Variants in THSD7B observed in about 807,000 individuals in gnomAD.
THSD7B encodes thrombospondin type 1 domain containing 7B.
Under a neutral mutation model 213.6 loss-of-function variants are expected in THSD7B, and 138 were observed. The observed-to-expected ratio is 0.65, with a 90% CI of 0.56 to 0.74. The LOEUF is 0.74. THSD7B is among the 30% of genes least tolerant of loss of function. The pLI, the probability that THSD7B is intolerant of heterozygous loss-of-function variation, is 0.00. For missense variants in THSD7B, 1,931 were observed against 1,991.5 expected (o/e 0.97, Z 0.58); for synonymous variants, 742 against 687.0 (o/e 1.08, Z -1.25).
chr2:137,659,594 A>G, intron 24 of THSD7B, 70 bp from the exon 25 acceptor site: 1 of 1,464,038 alleles, frequency 6.8e-7, no homozygotes, highest in Non-Finnish European at 9.2e-7. Context: ...CACAGGTTAA[A>G]AAAAAATACC....
intron 3 of THSD7B, among the ~76,000 whole-genome samples, chr2:137,062,924 A>G (rs1309895954): frequency 6.6e-6 from 1 of 151,890 alleles, no homozygotes; most frequent in East Asian, 1.9e-4. Context: ...CAAAAACAAT[A>G]CAAATTTTGT....
intron 2 of THSD7B, among the ~76,000 whole-genome samples, chr2:136,989,296 AG>A (rs1267762584): frequency 6.6e-6 from 1 of 152,036 alleles, no homozygotes; most frequent in African/African-American, 2.4e-5. Context: ...GCCTAGTGGG[AG>A]GTATTTGGGT....
intron 9 of THSD7B, among the ~76,000 whole-genome samples, chr2:137,235,162 A>G (rs1681737334): frequency 6.6e-6 from 1 of 152,214 alleles, no homozygotes; most frequent in Admixed American, 6.5e-5. Flanking sequence ...AACTCCTTTT[A>G]TCTGAGAAGG....
chr2:137,048,120 C>T (rs1447256956), intron 2 of THSD7B, among the ~76,000 whole-genome samples: 1 of 151,678 alleles, frequency 6.6e-6, no homozygotes, highest in Non-Finnish European at 1.5e-5. Flanking sequence ...CATGTGTTCT[C>T]ATTGTTCAAT....
intron 1 of THSD7B, among the ~76,000 whole-genome samples, chr2:136,829,201 A>G (rs1027065233): frequency 1.3e-5 from 2 of 151,392 alleles, no homozygotes; most frequent in Non-Finnish European, 2.9e-5. Flanking sequence ...AGTCCTCCAG[A>G]GTGCCCAGAA....
chr2:137,009,037 C>A (rs1686174551), intron 2 of THSD7B, among the ~76,000 whole-genome samples: 1 of 152,150 alleles, frequency 6.6e-6, no homozygotes, highest in Admixed American at 6.5e-5. Context: ...TTAAAAATCA[C>A]TGGGAGTAAA....
At chr2:137,030,763 G>C (rs1240041650) in intron 2 of THSD7B, among the ~76,000 whole-genome samples, 1 of 152,056 alleles carries the variant, frequency 6.6e-6, no homozygotes, top group Non-Finnish European at 1.5e-5. Context: ...GGACACTGGA[G>C]ACTCAGAAAT....
chr2:136,776,652 G>T (rs1681611720), intron 1 of THSD7B, among the ~76,000 whole-genome samples: 1 of 152,148 alleles, frequency 6.6e-6, no homozygotes, highest in Non-Finnish European at 1.5e-5. Flanking sequence ...AAGCATTGAT[G>T]TTCAGCAAAT....
At chr2:137,094,790 T>C in intron 3 of THSD7B, 83 bp from the exon 4 acceptor site, 4 of 1,498,944 alleles carry the variant, frequency 2.7e-6, no homozygotes, top group Non-Finnish European at 3.6e-6. Flanking sequence ...TTTCAGAGTT[T>C]TTTTTCTCAT....
intron 12 of THSD7B, among the ~76,000 whole-genome samples, chr2:137,319,649 C>T (rs1453306): frequency 0.55 from 83,939 of 152,054 alleles, 26,004 homozygotes; most frequent in East Asian, 0.75. Flanking sequence ...ATAAGCTCTA[C>T]TCAACTTATC....
chr2:137,361,717 G>A (rs1217376315), intron 12 of THSD7B, among the ~76,000 whole-genome samples: 1 of 152,154 alleles, frequency 6.6e-6, no homozygotes, highest in Admixed American at 6.6e-5. Context: ...AACTCTCCAA[G>A]AAATATGAGA....
At chr2:137,453,287 C>T (rs1687688381) in intron 15 of THSD7B, among the ~76,000 whole-genome samples, 1 of 147,700 alleles carries the variant, frequency 6.8e-6, no homozygotes, top group Non-Finnish European at 1.5e-5. Context: ...TCAATTACCT[C>T]AAATACTTTT....
chr2:137,623,180 G>A (rs192192667), intron 20 of THSD7B, among the ~76,000 whole-genome samples: 237 of 152,120 alleles, frequency 1.6e-3, no homozygotes, highest in African/African-American at 5.4e-3. Context: ...CAACATATGC[G>A]AATCAATAAA....
chr2:136,930,561 A>G (rs1452810068), intron 2 of THSD7B, among the ~76,000 whole-genome samples: 3 of 152,198 alleles, frequency 2.0e-5, no homozygotes, highest in Admixed American at 1.3e-4. Flanking sequence ...TGGGAAGATG[A>G]ATCTGAAAGT....
intron 4 of THSD7B, among the ~76,000 whole-genome samples, chr2:137,101,795 C>T (rs745677509): frequency 2.0e-4 from 31 of 152,196 alleles, no homozygotes; most frequent in Admixed American, 9.2e-4. Flanking sequence ...TGGGTGGAGT[C>T]CACCACCGCG....
rs1218328348 is a variant in THSD7B, at chr2:137,401,087, G to A, written c.2501-4526G>A. ...GATCTTAAAGCCTATAGTTTTATCT[G>A]TAGATTTCTACTTCTGATTTAATCC... On this transcript the variant is annotated intron_variant, in intron 12 of 27. Coordinates refer to ENST00000409968, the MANE Select transcript of THSD7B (RefSeq NM_001316349.2). Among the ~76,000 whole-genome samples the A allele has an allele frequency of 5.3e-5, 8 of 152,198 alleles. 1 individual carries two copies. Among genetic ancestry groups the A allele is most frequent in the Middle Eastern group, 6.3e-3 (2 of 316 alleles).
At chr2:137,353,146 C>T (rs1054927306) in intron 12 of THSD7B, among the ~76,000 whole-genome samples, 74 of 152,054 alleles carry the variant, frequency 4.9e-4, no homozygotes, top group African/African-American at 1.7e-3. Flanking sequence ...TTTCATTTTT[C>T]AAAAGACAGG....
chr2:136,832,332 G>A (rs1280017429), intron 1 of THSD7B, among the ~76,000 whole-genome samples: 1 of 152,078 alleles, frequency 6.6e-6, no homozygotes, highest in Non-Finnish European at 1.5e-5. Flanking sequence ...TTCCAACTGA[G>A]TTTGAAGGCC....
At chr2:137,597,540 A>G (rs1681985902) in intron 17 of THSD7B, among the ~76,000 whole-genome samples, 1 of 151,960 alleles carries the variant, frequency 6.6e-6, no homozygotes, top group African/African-American at 2.4e-5. Flanking sequence ...CGTGGGAAGA[A>G]TGGTCCTCTA....
Sources: gnomAD v4.1 joint callset for allele counts (sites outside exome capture counted in the v4.1 genomes callset) on GRCh38, gnomAD v4.1.1 for gene constraint, MANE v1.5 for transcripts, NCBI Gene and HGNC (gene_info 2026-07-23, HGNC 2026-07-21) for gene names.